The following SKP2 variants were observed in gnomAD, a reference collection of about 807,000 sequenced individuals.
SKP2 encodes S-phase kinase associated protein 2.
SKP2 carries 16 observed loss-of-function variants against 51.8 expected under a neutral mutation model. The ratio of observed to expected loss-of-function variants is 0.31; its 90% CI spans 0.21 to 0.47. The LOEUF is 0.47. Among genes scored for constraint, SKP2 ranks in the 20% least tolerant of loss-of-function variants. SKP2 has a pLI of 1.00. For missense variants in SKP2, 377 were observed against 505.3 expected (o/e 0.75, Z 2.43); for synonymous variants, 176 against 198.6 (o/e 0.89, Z 0.96).
At chr5:36,190,579 C>T (rs927637031) in intron 6 of SKP2, among the ~76,000 whole-genome samples, 13 of 150,184 alleles carry the variant, frequency 8.7e-5, no homozygotes, top group African/African-American at 3.2e-4. Flanking sequence ...CTTTTGGACC[C>T]TTCCATTCGA....
intron 6 of SKP2, among the ~76,000 whole-genome samples, chr5:36,171,239 C>T (rs1331930009): frequency 6.6e-6 from 1 of 152,152 alleles, no homozygotes; most frequent in East Asian, 1.9e-4. Context: ...TGCAATCCAT[C>T]AATTGCGTAA....
chr5:36,181,808 TC>T lies in SKP2; in HGVS notation c.1062-8del. ...ACTGCTATTCTGAAAGTCTTTTTCT[TC>T]CTTTCCAGTGAACTTGGAGAAATTC... On this transcript the variant is annotated splice_polypyrimidine_tract_variant and intron_variant, in intron 9 of 9. Transcript: ENST00000274255. 1 of 1,613,678 alleles carries T rather than the reference TC, an allele frequency of 6.2e-7. No individual in the cohort carries two copies. The highest frequency in any genetic ancestry group is 8.5e-7 in the Non-Finnish European group (1 of 1,179,638).
At chr5:36,175,364 T>C (rs548266678) in intron 7 of SKP2, among the ~76,000 whole-genome samples, 2 of 152,214 alleles carry the variant, frequency 1.3e-5, no homozygotes, top group South Asian at 4.1e-4. Flanking sequence ...CTATCTCATA[T>C]CCAAACGGTA....
chr5:36,181,855 G>C lies in SKP2; in HGVS notation c.1099G>C (p.Val367Leu), dbSNP rs749103665. 1 of 1,614,012 alleles carries C rather than the reference G, an allele frequency of 6.2e-7. No individual in the cohort carries two copies. The highest frequency in any genetic ancestry group is 8.5e-7 in the Non-Finnish European group (1 of 1,179,914). Residue 367 changes from valine (V) to leucine (L), a missense_variant, in exon 10 of 10, where the codon GTT becomes CTT. This residue lies in a region of SKP2 where 262 missense variants were observed against 389.8 expected (regional missense o/e 0.67). Coordinates refer to ENST00000274255, the MANE Select transcript of SKP2 (RefSeq NM_005983.4). ...AATTCCCACACTAAAAACACTACAA[G>C]TTTTTGGAATCGTGCCAGATGGTAC... ...GEIPTLKTLQ[V>L]FGIVPDGTLQ... is the part of the protein sequence containing the mutation.
At chr5:36,164,653 C>T (rs924703308) in intron 3 of SKP2, among the ~76,000 whole-genome samples, 1 of 152,142 alleles carries the variant, frequency 6.6e-6, no homozygotes. Flanking sequence ...TTAGAAGAGC[C>T]GCAGAGAGGG....
chr5:36,175,188 C>G (rs37220), intron 7 of SKP2, among the ~76,000 whole-genome samples: 131,038 of 152,088 alleles, frequency 0.86, 57,211 homozygotes, highest in Non-Finnish European at 0.94. Flanking sequence ...TTTGGTGACA[C>G]AATGAACGTG....
chr5:36,183,688 A>G lies in SKP2; in HGVS notation c.*1657A>G, dbSNP rs1745887919. 8.0e-7 allele frequency: 1 copy of G among 1,255,972 alleles called. No homozygotes were observed. The allele number at this position is 1,255,972 out of a possible 1,614,324, so 77.8% of individuals were successfully genotyped here. A position where few individuals can be genotyped will look rare whatever the true frequency, so the allele number is the denominator to read the frequency against. ...TATATTAACTTTTTTTTTTTAAATC[A>G]AAAATTGTTAATGTTAGAAACATAC... On this transcript the variant is annotated 3_prime_UTR_variant, in exon 10 of 10. Transcript: ENST00000274255.
At chr5:36,152,313 C>G (rs1173277912) in intron 1 of SKP2, 43 bp downstream of exon 1, 1 of 1,581,480 alleles carries the variant, frequency 6.3e-7, no homozygotes, top group African/African-American at 1.3e-5. Context: ...AATGGACCCT[C>G]TTAATAATTC....
chr5:36,153,864 G>C (rs964465464), intron 2 of SKP2, among the ~76,000 whole-genome samples: 1 of 152,128 alleles, frequency 6.6e-6, no homozygotes, highest in Non-Finnish European at 1.5e-5. Flanking sequence ...CCAGAACCCT[G>C]GAGTATGCAA....
intron 3 of SKP2, among the ~76,000 whole-genome samples, chr5:36,164,299 C>T (rs1161919373): frequency 6.6e-6 from 1 of 152,146 alleles, no homozygotes; most frequent in Non-Finnish European, 1.5e-5. Flanking sequence ...GGTGTAATGC[C>T]TGACTCACAG....
chr5:36,152,160 C>G lies in SKP2; in HGVS notation c.-103C>G, dbSNP rs563207062. 7.5e-5 allele frequency: 94 copies of G among 1,249,306 alleles called. No individual in the cohort carries two copies. The highest frequency in any genetic ancestry group is 1.9e-4 in the African/African-American group (13 of 68,044). The allele number at this position is 1,249,306 out of a possible 1,614,324, so 77.4% of individuals were successfully genotyped here. A position where few individuals can be genotyped will look rare whatever the true frequency, so the allele number is the denominator to read the frequency against. ...TTAGCGGGTCTGGCTGCTGGGGGCC[C>G]GAGCAGCACGCTCGGAGCCGCCGCG... On this transcript the variant is annotated 5_prime_UTR_variant, in exon 1 of 10. Coordinates refer to ENST00000274255, the MANE Select transcript of SKP2 (RefSeq NM_005983.4).
chr5:36,156,144 G>A (rs1744938101), intron 2 of SKP2, among the ~76,000 whole-genome samples: 2 of 152,222 alleles, frequency 1.3e-5, no homozygotes, highest in African/African-American at 4.8e-5. Context: ...GGAAACCAAT[G>A]TACGTGGACT....
chr5:36,177,407 G>A, intron 9 of SKP2, 115 bp downstream of exon 9: 1 of 750,888 alleles, frequency 1.3e-6, no homozygotes, highest in Non-Finnish European at 2.4e-6. Context: ...TTAGTAATAA[G>A]TATACCACAG....
Position 36,152,891 on chromosome 5 carries a change from A to G in SKP2, c.129A>G (p.Lys43=). The change falls in exon 2 of 10, where the codon AAA becomes AAG. Residue 43 remains lysine (K), a synonymous_variant. Transcript: ENST00000274255. Reference sequence around the variant, plus strand: ...GCATGGGGGTCTCCGCCCTGGAGAAAGAGGAGCCCGACAGTGAGAACATCC... The same window carrying G: ...GCATGGGGGTCTCCGCCCTGGAGAAGGAGGAGCCCGACAGTGAGAACATCC... The part of the protein sequence containing the change: ...LSGMGVSALE[K]EEPDSENIPQ... The G allele has an allele frequency of 1.2e-6, 2 of 1,614,136 alleles. No individual in the cohort carries two copies. Among genetic ancestry groups the G allele is most frequent in the Non-Finnish European group, 1.7e-6 (2 of 1,180,022 alleles).
At chr5:36,163,863 G>A (rs950072846) in intron 3 of SKP2, 107 bp downstream of exon 3, 12 of 701,956 alleles carry the variant, frequency 1.7e-5, no homozygotes, top group Non-Finnish European at 2.8e-5. Flanking sequence ...ATAGAGCAGC[G>A]CAAAGCAAAC....
At chr5:36,164,731 C>T (rs1482314947) in intron 3 of SKP2, among the ~76,000 whole-genome samples, 6 of 152,210 alleles carry the variant, frequency 3.9e-5, no homozygotes, top group Admixed American at 3.9e-4. Context: ...CTCAACCCCA[C>T]TTTGGTTTTC....
intron 6 of SKP2, among the ~76,000 whole-genome samples, chr5:36,190,026 G>A (rs1024736929): frequency 2.6e-5 from 4 of 152,172 alleles, no homozygotes; most frequent in Non-Finnish European, 4.4e-5. Flanking sequence ...AGCCAGGCGC[G>A]GGATATAATC....
At position 36,180,237 on chromosome 5, in the gene SKP2, G is replaced by A. The variant is rs74482934; in HGVS notation, c.1062-1581G>A. ...CCAGAATTCTCATAGTAATTACAAC[G>A]TTTCCCAAGTTTCACATGAGGGATT... On this transcript the variant is annotated intron_variant, in intron 9 of 9. Transcript: ENST00000274255. 950 of 1,342,622 alleles carry A rather than the reference G, an allele frequency of 7.1e-4. 4 individuals are homozygous for A. In the African/African-American group the frequency reaches 0.012, roughly 17 times the overall value. The allele number at this position is 1,342,622 out of a possible 1,614,324, so 83.2% of individuals were successfully genotyped here. A position where few individuals can be genotyped will look rare whatever the true frequency, so the allele number is the denominator to read the frequency against.
At position 36,168,308 on chromosome 5, in the gene SKP2, T is replaced by G. The variant is rs1745357193; in HGVS notation, c.537-5T>G. The G allele has an allele frequency of 6.2e-7, 1 of 1,613,492 alleles. No homozygotes were observed. Among genetic ancestry groups the G allele is most frequent in the Non-Finnish European group, 8.5e-7 (1 of 1,179,720 alleles). ...ATGGAGCTCCTTTTTTCTCTCCGTGTTTAGCCCTTTTCGTGTACAGCACAT... is the reference window on the plus strand; with the variant it reads ...ATGGAGCTCCTTTTTTCTCTCCGTGGTTAGCCCTTTTCGTGTACAGCACAT... On this transcript the variant is annotated splice_polypyrimidine_tract_variant and splice_region_variant and intron_variant, in intron 4 of 9. Transcript: ENST00000274255.
Sources: gnomAD v4.1 joint callset for allele counts (sites outside exome capture counted in the v4.1 genomes callset) on GRCh38, gnomAD v4.1.1 for gene constraint, gnomAD v4.1.1 regional missense constraint, MANE v1.5 for transcripts, NCBI Gene and HGNC (gene_info 2026-07-23, HGNC 2026-07-21) for gene names.